The following DAB2IP variants were observed in gnomAD, a reference collection of about 807,000 sequenced individuals.
DAB2IP encodes DAB2 interacting protein.
A neutral mutation model predicts 107.2 loss-of-function variants in DAB2IP; 28 were observed. The observed-to-expected ratio is 0.26, with a 90% CI of 0.19 to 0.36. The LOEUF (loss-of-function observed/expected upper bound fraction) is 0.36, where lower values mean the gene tolerates loss of function less well. Ranked by LOEUF, DAB2IP falls within the 10% of genes least tolerant of loss-of-function variation. The pLI, the probability that DAB2IP is intolerant of heterozygous loss-of-function variation, is 1.00. For missense variants in DAB2IP, 1,400 were observed against 1,644.7 expected (o/e 0.85, Z 2.57); for synonymous variants, 755 against 706.4 (o/e 1.07, Z -1.09).
At chr9:121,718,899 A>T (rs994273865) in intron 3 of DAB2IP, among the ~76,000 whole-genome samples, 1 of 152,052 alleles carries the variant, frequency 6.6e-6, no homozygotes, top group African/African-American at 2.4e-5. Context: ...CCCCTCCCCC[A>T]GTCCTAGGCG....
intron 1 of DAB2IP, among the ~76,000 whole-genome samples, chr9:121,671,278 G>C (rs1462131340): frequency 6.6e-6 from 1 of 152,238 alleles, no homozygotes; most frequent in African/African-American, 2.4e-5. Context: ...GAAGGTTGCA[G>C]TGAGCTGAGA....
chr9:121,612,536 TG>T (rs1362527808), intron 1 of DAB2IP, among the ~76,000 whole-genome samples: 1 of 152,184 alleles, frequency 6.6e-6, no homozygotes, highest in African/African-American at 2.4e-5. Flanking sequence ...TTGTTTCTGC[TG>T]TGTAAGTCAC....
chr9:121,776,028 C>T lies in DAB2IP; in HGVS notation c.3121-170C>T, dbSNP rs778357982. 1.3e-5 allele frequency among the ~76,000 whole-genome samples: 2 copies of T among 152,126 alleles called. No homozygotes were observed. Among genetic ancestry groups the T allele is most frequent in the African/African-American group, 4.8e-5 (2 of 41,432 alleles). The stretch of plus-strand genomic sequence containing the variant: ...GCACAGGCACGCGTCTGGCTGCAGC[C>T]CCCACCAGCTGGGCTCCTTGGGCAT... On this transcript the variant is annotated intron_variant, in intron 13 of 15. Transcript: ENST00000408936. The surrounding 1 kb of genome is among the most constrained non-coding windows in gnomAD (Gnocchi z 5.4).
upstream of DAB2IP, among the ~76,000 whole-genome samples, chr9:121,647,722 G>T (rs535350070): frequency 6.6e-5 from 10 of 151,774 alleles, no homozygotes; most frequent in African/African-American, 2.4e-4. Context: ...TTAAGGAGGG[G>T]GTGCTTCAAT....
At chr9:121,577,989 A>G (rs1346738354) in intron 1 of DAB2IP, among the ~76,000 whole-genome samples, 1 of 151,930 alleles carries the variant, frequency 6.6e-6, no homozygotes, top group Non-Finnish European at 1.5e-5. Flanking sequence ...CCTCCTGGGA[A>G]GGCCTGTGCT....
chr9:121,638,319 G>A lies in DAB2IP; in HGVS notation c.41-40359G>A, dbSNP rs1480511640. ...AGAGATGATTTAAAGTATACAGGAG[G>A]GTATGCATATGCTATATTTTAATGT... On this transcript the variant is annotated intron_variant, in intron 1 of 16. Coordinates refer to the DAB2IP transcript ENST00000259371. Among the ~76,000 whole-genome samples, 5 of 152,156 alleles carry A rather than the reference G, an allele frequency of 3.3e-5. No homozygotes were observed. In the East Asian group the frequency reaches 7.7e-4, roughly 23 times the overall value.
chr9:121,678,898 T>C, intron 2 of DAB2IP, 117 bp downstream of exon 2: 1 of 982,652 alleles, frequency 1.0e-6, no homozygotes, highest in Non-Finnish European at 1.4e-6. Context: ...CCGGAGAGCA[T>C]CCGGCCTCCC....
rs899550909 is a variant in DAB2IP, at chr9:121,782,251, T to C, written c.3403-80T>C. Reference sequence around the variant, plus strand: ...CCACCCTCATCTCCAGGCCACCCCCTTCCCCGATGCTTGTCGTAGGTATAC... The same window carrying C: ...CCACCCTCATCTCCAGGCCACCCCCCTCCCCGATGCTTGTCGTAGGTATAC... On this transcript the variant is annotated intron_variant, in intron 15 of 15. Coordinates refer to ENST00000408936, the Ensembl canonical transcript of DAB2IP. The surrounding 1 kb of genome is among the most constrained non-coding windows in gnomAD (Gnocchi z 6.1). 5.2e-6 allele frequency: 8 copies of C among 1,536,386 alleles called. No homozygotes were observed. Among genetic ancestry groups the C allele is most frequent in the Non-Finnish European group, 7.0e-6 (8 of 1,136,838 alleles).
At chr9:121,601,089 C>T (rs1415206648) in intron 1 of DAB2IP, among the ~76,000 whole-genome samples, 2 of 152,240 alleles carry the variant, frequency 1.3e-5, no homozygotes, top group Admixed American at 1.3e-4. Flanking sequence ...CAGCCTCACA[C>T]ATTCTTATCC....
chr9:121,637,617 A>T (rs1832134759), intron 1 of DAB2IP, among the ~76,000 whole-genome samples: 1 of 152,166 alleles, frequency 6.6e-6, no homozygotes, highest in Admixed American at 6.5e-5. Context: ...TTAGCCCCTG[A>T]GTAGGAGGCT....
At chr9:121,632,830 G>C (rs1831944183) in intron 1 of DAB2IP, among the ~76,000 whole-genome samples, 1 of 152,236 alleles carries the variant, frequency 6.6e-6, no homozygotes, top group African/African-American at 2.4e-5. Flanking sequence ...TCCCTGAAGA[G>C]GAATGCGGTG....
chr9:121,690,083 T>C (rs1829086284), intron 2 of DAB2IP, among the ~76,000 whole-genome samples: 1 of 152,256 alleles, frequency 6.6e-6, no homozygotes, highest in Non-Finnish European at 1.5e-5. Context: ...TGGGAAGCTC[T>C]AATACAGTGC....
exon 16 of DAB2IP, chr9:121,785,464 CTG>C (rs1327575592): frequency 2.6e-5 from 4 of 152,614 alleles, no homozygotes; most frequent in South Asian, 2.1e-4. Context: ...TTCTAAGACT[CTG>C]TGTGGCTGTG....
At chr9:121,661,263 T>C (rs1010553731) in intron 1 of DAB2IP, among the ~76,000 whole-genome samples, 1 of 149,642 alleles carries the variant, frequency 6.7e-6, no homozygotes, top group East Asian at 2.0e-4. Flanking sequence ...GGAGAGGAGG[T>C]GTGGGGTGCA....
chr9:121,700,243 G>C (rs1035299071), intron 3 of DAB2IP, among the ~76,000 whole-genome samples: 5 of 152,016 alleles, frequency 3.3e-5, no homozygotes, highest in African/African-American at 1.2e-4. Flanking sequence ...GGGAGGAGGA[G>C]GTGGTTCAAC....
chr9:121,645,317 G>T (rs1832498505), intron 1 of DAB2IP, among the ~76,000 whole-genome samples: 1 of 152,186 alleles, frequency 6.6e-6, no homozygotes, highest in Non-Finnish European at 1.5e-5. Context: ...CTGGGGCTGG[G>T]GCCTGGAGAG....
intron 1 of DAB2IP, among the ~76,000 whole-genome samples, chr9:121,569,195 C>A (rs1052166797): frequency 1.3e-5 from 2 of 152,226 alleles, no homozygotes; most frequent in African/African-American, 4.8e-5. Context: ...AGGAAAACTG[C>A]GGTCTCAGTG....
chr9:121,668,116 C>T (rs570411916), intron 1 of DAB2IP, among the ~76,000 whole-genome samples: 3 of 152,212 alleles, frequency 2.0e-5, no homozygotes, highest in South Asian at 4.2e-4. Context: ...ACAACATGTG[C>T]GAATTATGGG....
At chr9:121,600,275 C>G (rs546136690) in intron 1 of DAB2IP, among the ~76,000 whole-genome samples, 1 of 152,176 alleles carries the variant, frequency 6.6e-6, no homozygotes, top group Non-Finnish European at 1.5e-5. Context: ...TGTTTTTGTT[C>G]AATCCTGGCC....
Sources: gnomAD v4.1 joint callset for allele counts (sites outside exome capture counted in the v4.1 genomes callset) on GRCh38, gnomAD v4.1.1 for gene constraint, Gnocchi (gnomAD v3.1) non-coding constraint, MANE v1.5 for transcripts, NCBI Gene and HGNC (gene_info 2026-07-23, HGNC 2026-07-21) for gene names.